SERPINB8: variants seen among roughly 807,000 people sequenced by gnomAD.
SERPINB8 encodes serpin family B member 8.
In SERPINB8, 25 loss-of-function variants were observed where a neutral mutation model predicts 35.3. That is an observed-to-expected ratio of 0.71 (90% CI 0.52 to 0.99). The LOEUF (loss-of-function observed/expected upper bound fraction) is 0.99, where lower values mean the gene tolerates loss of function less well. Among genes scored for constraint, SERPINB8 ranks in the 50% least tolerant of loss-of-function variants. The pLI is 0.00. For synonymous variants in SERPINB8, 186 were observed against 160.8 expected, an observed-to-expected ratio of 1.16 and a Z score of -1.19; for missense variants, 484 against 446.5, an observed-to-expected ratio of 1.08 and a Z score of -0.76.
rs2050803720 is a variant in SERPINB8 at position 63,989,121 on chromosome 18, G to T, written c.*1843G>T. On this transcript the variant is annotated 3_prime_UTR_variant, in exon 7 of 7. Transcript: ENST00000397985. ...CTATAGATTAATTTGCATTTTTAAA[G>T]AAATTTACATACATGGAACCATACA... 1 of 152,190 alleles carries T rather than the reference G, an allele frequency of 6.6e-6. No homozygotes were observed. The highest frequency in any genetic ancestry group is 2.4e-5 in the African/African-American group (1 of 41,462). 9.4% of individuals were successfully genotyped at this position (152,190 alleles called of 1,614,324 possible). A position where few individuals can be genotyped will look rare whatever the true frequency, so the allele number is the denominator to read the frequency against.
In SERPINB8 at chr18:63,987,175, G is replaced by A. The variant is rs144873303; in HGVS notation, c.1022G>A (p.Ser341Asn). ...ATAVVRNSRC[S>N]RMEPRFCADH... ...GCTGTGGTCAGGAATTCCCGGTGCAGCAGAATGGAGCCAAGATTCTGTGCA... is the reference window on the plus strand; with the variant it reads ...GCTGTGGTCAGGAATTCCCGGTGCAACAGAATGGAGCCAAGATTCTGTGCA... The change falls in exon 7 of 7, where the codon AGC (serine) becomes AAC (asparagine). Residue 341 changes from serine (S) to asparagine (N), a missense_variant. Transcript: ENST00000397985. 2 of 1,614,074 alleles carry A rather than the reference G, an allele frequency of 1.2e-6. No individual in the cohort carries two copies. The highest frequency in any genetic ancestry group is 1.7e-6 in the Non-Finnish European group (2 of 1,180,036).
In SERPINB8 at chr18:63,972,580, C is replaced by T. The variant is rs1046177563; in HGVS notation, c.-11+2410C>T. On this transcript the variant is annotated intron_variant, in intron 1 of 6. Coordinates refer to ENST00000397985, the MANE Select transcript of SERPINB8 (RefSeq NM_002640.4). Reference sequence around the variant, plus strand: ...GTATACATGAGCCATGTTGGTTTGCCGCACCCATCAACTAGTCATTTACAT... The same window carrying T: ...GTATACATGAGCCATGTTGGTTTGCTGCACCCATCAACTAGTCATTTACAT... 2.2e-4 allele frequency among the ~76,000 whole-genome samples: 33 copies of T among 152,050 alleles called. 1 individual carries two copies. The highest frequency in any genetic ancestry group is 6.2e-4 in the South Asian group (3 of 4,820).
Position 63,981,755 on chromosome 18 carries a change from C to T in SERPINB8, c.341C>T (p.Ala114Val). 1 of 1,613,702 alleles carries T rather than the reference C, an allele frequency of 6.2e-7. No homozygotes were observed. ...GAATACTGTCAGAAGTTCTATCAGG[C>T]AGAGCTGGAGGAGTTGTCCTTTGCT... ...FKEYCQKFYQ[A>V]ELEELSFAED... Residue 114 changes from alanine to valine, a missense_variant, in exon 4 of 7, where the codon GCA becomes GTA. Physicochemically the swap from Ala to Val is moderately conservative, Grantham distance 64. Coordinates refer to ENST00000397985, the MANE Select transcript of SERPINB8 (RefSeq NM_002640.4).
At chr18:63,995,629 G>A (rs2050845499) in intron 1 of SERPINB8, among the ~76,000 whole-genome samples, 1 of 152,196 alleles carries the variant, frequency 6.6e-6, no homozygotes, top group Non-Finnish European at 1.5e-5. Context: ...GGTCATCTTA[G>A]TGGGACATGG....
Position 63,978,461 on chromosome 18 carries a change from A to G in SERPINB8, c.153A>G (p.Ala51=), listed in dbSNP as rs1408291925. The G allele has an allele frequency of 2.5e-6, 4 of 1,614,226 alleles. No homozygotes were observed. The Admixed American group carries it at 5.0e-5, about 20-fold the overall frequency. ...MVFMGAKGST[A]AQMSQALCLY... ...TCATGGGGGCAAAGGGAAGCACTGC[A>G]GCCCAGATGTCCCAGGTATGTGTGC... Residue 51 remains alanine (A), a synonymous_variant, in exon 2 of 7, where the codon GCA becomes GCG. Coordinates refer to ENST00000397985, the MANE Select transcript of SERPINB8 (RefSeq NM_002640.4).
At chr18:63,972,379 C>T (rs2050498691) in intron 1 of SERPINB8, among the ~76,000 whole-genome samples, 1 of 152,194 alleles carries the variant, frequency 6.6e-6, no homozygotes, top group Admixed American at 6.5e-5. Context: ...ATGTCAAAAA[C>T]TAAAGAACTT....
At chr18:64,016,961 C>G (rs1369772684) in intron 7 of SERPINB8, among the ~76,000 whole-genome samples, 1 of 152,180 alleles carries the variant, frequency 6.6e-6, no homozygotes, top group Admixed American at 6.5e-5. Flanking sequence ...GAAATAGCAG[C>G]ATCATCCTTG....
chr18:63,977,087 T>A (rs925448419), intron 1 of SERPINB8, among the ~76,000 whole-genome samples: 1 of 152,128 alleles, frequency 6.6e-6, no homozygotes, highest in Non-Finnish European at 1.5e-5. Context: ...TAGATTATAT[T>A]GGAGACATTA....
Position 63,978,473 on chromosome 18 carries a change from C to T in SERPINB8, c.165C>T (p.Ser55=), listed in dbSNP as rs2050619319. 2.5e-6 allele frequency: 4 copies of T among 1,613,962 alleles called. No individual in the cohort carries two copies. In the South Asian group the frequency reaches 3.3e-5, roughly 13 times the overall value. The change falls in exon 2 of 7, where the codon TCC becomes TCT. Residue 55 remains serine (S), a synonymous_variant. Coordinates refer to ENST00000397985, the MANE Select transcript of SERPINB8 (RefSeq NM_002640.4). The part of the protein sequence containing the change: ...GAKGSTAAQM[S]QALCLYKDGD... ...AGGGAAGCACTGCAGCCCAGATGTC[C>T]CAGGTATGTGTGCTTGTCACAAAGG...
At position 63,987,163 on chromosome 18, in the gene SERPINB8, A is replaced by G. The variant is rs1201362520; in HGVS notation, c.1010A>G (p.Asn337Ser). 6.2e-7 allele frequency: 1 copy of G among 1,614,194 alleles called. No homozygotes were observed. Among genetic ancestry groups the G allele is most frequent in the Middle Eastern group, 1.6e-4 (1 of 6,062 alleles). Residue 337 changes from asparagine to serine, a missense_variant, in exon 7 of 7, where the codon AAT becomes AGT. Asn to Ser is a conservative substitution (Grantham distance 46, BLOSUM62 1). Coordinates refer to ENST00000397985, the MANE Select transcript of SERPINB8 (RefSeq NM_002640.4). Reference protein sequence around the residue: ...EAAAATAVVRNSRCSRMEPRF... With the variant: ...EAAAATAVVRSSRCSRMEPRF... ...GCCGCAGCCACTGCTGTGGTCAGGA[A>G]TTCCCGGTGCAGCAGAATGGAGCCA...
At chr18:63,975,592 C>T (rs2050568849) in intron 1 of SERPINB8, among the ~76,000 whole-genome samples, 1 of 152,102 alleles carries the variant, frequency 6.6e-6, no homozygotes, top group Non-Finnish European at 1.5e-5. Flanking sequence ...CTAACCATAA[C>T]CCTAACCCTA....
exon 2 of SERPINB8, chr18:64,004,893 ACAT>A (rs1302309081): frequency 2.5e-6 from 1 of 398,406 alleles, no homozygotes; most frequent in Non-Finnish European, 4.4e-6. Flanking sequence ...AAGTACAGAA[ACAT>A]CAGACGGCAT....
chr18:64,017,832 TATCTACTA>T, intron 7 of SERPINB8, among the ~76,000 whole-genome samples: 1 of 152,234 alleles, frequency 6.6e-6, no homozygotes, highest in Non-Finnish European at 1.5e-5. Context: ...TTTGCTCATT[TATCTACTA>T]ATCATGACTG....
rs550301538 is a variant in SERPINB8 at position 64,017,163 on chromosome 18, C to A, written c.*3-1747C>A. On this transcript the variant is annotated intron_variant, in intron 7 of 7. Coordinates refer to the SERPINB8 transcript ENST00000636430. ...TTACAAAGTAAATACAGTTATATCACACTCCATTTTTCGGTGACGTGAGGA... is the reference window on the plus strand; with the variant it reads ...TTACAAAGTAAATACAGTTATATCAAACTCCATTTTTCGGTGACGTGAGGA... Among the ~76,000 whole-genome samples, 3 of 152,242 alleles carry A rather than the reference C, an allele frequency of 2.0e-5. No individual in the cohort carries two copies. In the East Asian group the frequency reaches 5.8e-4, roughly 29 times the overall value.
Position 63,987,449 on chromosome 18 carries a change from G to A in SERPINB8, c.*171G>A, listed in dbSNP as rs1199637104. 4.3e-6 allele frequency: 3 copies of A among 701,924 alleles called. No individual in the cohort carries two copies. The highest frequency in any genetic ancestry group is 1.8e-5 in the African/African-American group (1 of 55,802). The allele number at this position is 701,924 out of a possible 1,614,324, so 43.5% of individuals were successfully genotyped here. A position where few individuals can be genotyped will look rare whatever the true frequency, so the allele number is the denominator to read the frequency against. On this transcript the variant is annotated 3_prime_UTR_variant, in exon 7 of 7. Coordinates refer to ENST00000397985, the MANE Select transcript of SERPINB8 (RefSeq NM_002640.4). ...TCCAGAGCCATTGAGAATAACTGAG[G>A]CCGCAGATGCATGAAATTTGGGCCT...
At chr18:64,001,487 A>G (rs1202932506) in intron 1 of SERPINB8, among the ~76,000 whole-genome samples, 12 of 147,322 alleles carry the variant, frequency 8.1e-5, no homozygotes, top group Admixed American at 5.0e-4. Flanking sequence ...TTATTTATTT[A>G]TTTATTTATT....
At chr18:64,013,460 A>G (rs552593006) in intron 7 of SERPINB8, among the ~76,000 whole-genome samples, 2 of 152,260 alleles carry the variant, frequency 1.3e-5, no homozygotes, top group African/African-American at 4.8e-5. Flanking sequence ...TACAGTCATT[A>G]CAATAGGATA....
At position 63,979,807 on chromosome 18, in the gene SERPINB8, T is replaced by A; in HGVS notation, c.175T>A (p.Cys59Ser). Residue 59 changes from cysteine to serine, a missense_variant, in exon 3 of 7, where the codon TGT (cysteine) becomes AGT (serine). Cys to Ser is a moderately radical substitution (Grantham distance 112). Coordinates refer to ENST00000397985, the MANE Select transcript of SERPINB8 (RefSeq NM_002640.4). ...STAAQMSQAL[C>S]LYKDGDIHRG... The stretch of plus-strand genomic sequence containing the variant: ...TGTTGGTTTCTGTTCCCAGGCACTT[T>A]GTTTATACAAAGACGGAGATATTCA... 1 of 1,614,124 alleles carries A rather than the reference T, an allele frequency of 6.2e-7. No homozygotes were observed. Among genetic ancestry groups the A allele is most frequent in the Non-Finnish European group, 8.5e-7 (1 of 1,179,994 alleles).
chr18:63,979,755 G>A, intron 2 of SERPINB8, 46 bp from the exon 3 acceptor site: 1 of 1,610,114 alleles, frequency 6.2e-7, no homozygotes, highest in Non-Finnish European at 8.5e-7. Flanking sequence ...CTCTTTGGGA[G>A]AGTATAATGG....
Sources: gnomAD v4.1 joint callset for allele counts (sites outside exome capture counted in the v4.1 genomes callset) on GRCh38, gnomAD v4.1.1 for gene constraint, MANE v1.5 for transcripts, NCBI Gene and HGNC (gene_info 2026-07-23, HGNC 2026-07-21) for gene names.